The following GABRB1 variants were observed in gnomAD, a reference collection of about 807,000 sequenced individuals.
GABRB1 encodes gamma-aminobutyric acid receptor subunit beta-1.
A neutral mutation model predicts 51.6 loss-of-function variants in GABRB1; 17 were observed. The ratio of observed to expected loss-of-function variants is 0.33; its 90% confidence interval spans 0.23 to 0.49. The LOEUF (loss-of-function observed/expected upper bound fraction) is 0.49, where lower values mean the gene tolerates loss of function less well. Ranked by LOEUF, GABRB1 falls within the 20% of genes least tolerant of loss-of-function variation. GABRB1 has a pLI of 0.99. For synonymous variants in GABRB1, 247 were observed against 218.9 expected (o/e 1.13, Z -1.14); for missense variants, 410 against 600.6 (o/e 0.68, Z 3.32).
intron 5 of GABRB1, among the ~76,000 whole-genome samples, chr4:47,338,444 A>G (rs776784009): frequency 6.6e-6 from 1 of 152,220 alleles, no homozygotes; most frequent in Non-Finnish European, 1.5e-5. Context: ...TAGAAATTAG[A>G]TCATTGACCA....
At chr4:47,120,317 C>T (rs141009413) in intron 3 of GABRB1, among the ~76,000 whole-genome samples, 5 of 152,222 alleles carry the variant, frequency 3.3e-5, no homozygotes, top group African/African-American at 9.6e-5. Flanking sequence ...CCACTTTCAG[C>T]GTTTGATAGA....
intron 5 of GABRB1, among the ~76,000 whole-genome samples, chr4:47,380,571 A>G (rs191862811): frequency 1.3e-5 from 2 of 152,352 alleles, no homozygotes; most frequent in Admixed American, 1.3e-4. Flanking sequence ...TGTTTTACTA[A>G]CATGAACTTC....
At chr4:47,108,477 T>C (rs372680496) in intron 3 of GABRB1, among the ~76,000 whole-genome samples, 3 of 152,180 alleles carry the variant, frequency 2.0e-5, no homozygotes, top group East Asian at 3.9e-4. Flanking sequence ...ACTTTTTATT[T>C]CTTCTTTAAT....
intron 4 of GABRB1, among the ~76,000 whole-genome samples, chr4:47,268,317 T>C (rs1722721493): frequency 6.6e-6 from 1 of 152,190 alleles, no homozygotes; most frequent in Non-Finnish European, 1.5e-5. Flanking sequence ...GTCAGAAAAT[T>C]GGCTGTTAGG....
At chr4:47,384,344 A>G (rs1727703958) in intron 5 of GABRB1, among the ~76,000 whole-genome samples, 1 of 151,966 alleles carries the variant, frequency 6.6e-6, no homozygotes, top group Admixed American at 6.6e-5. Flanking sequence ...GGATTTTCCA[A>G]AAATGTGCTT....
Position 47,243,168 on chromosome 4 carries a change from C to T in GABRB1, c.462-76959C>T, listed in dbSNP as rs1190028249. On this transcript the variant is annotated intron_variant, in intron 4 of 8. Transcript: ENST00000295454. ...ATCCTTTCCCCATTGCTTGTTTTTG[C>T]CAGGTTTGTCAAAGATCAGATGGTT... Among the ~76,000 whole-genome samples, 8 of 152,084 alleles carry T rather than the reference C, an allele frequency of 5.3e-5. No homozygotes were observed. In the South Asian group the frequency reaches 6.2e-4, roughly 12 times the overall value.
At chr4:47,145,224 T>A (rs908359042) in intron 3 of GABRB1, among the ~76,000 whole-genome samples, 1 of 152,008 alleles carries the variant, frequency 6.6e-6, no homozygotes, top group African/African-American at 2.4e-5. Flanking sequence ...TGAAAACCTT[T>A]CTTGTCAAAG....
intron 4 of GABRB1, among the ~76,000 whole-genome samples, chr4:47,177,355 G>C (rs920161384): frequency 1.3e-5 from 2 of 152,040 alleles, no homozygotes; most frequent in African/African-American, 4.8e-5. Flanking sequence ...CTAGAGAAGA[G>C]GGGCCTGAAA....
chr4:47,290,636 G>A (rs991531093), intron 4 of GABRB1, among the ~76,000 whole-genome samples: 3 of 152,186 alleles, frequency 2.0e-5, no homozygotes, highest in African/African-American at 7.2e-5. Context: ...TAGCGATATG[G>A]ACAATAAGGT....
At chr4:47,054,050 T>A (rs1726474231) in intron 3 of GABRB1, among the ~76,000 whole-genome samples, 1 of 150,062 alleles carries the variant, frequency 6.7e-6, no homozygotes. Flanking sequence ...TAAAATTGAC[T>A]TTTTTAAAAA....
At chr4:47,185,309 T>C (rs1719128828) in intron 4 of GABRB1, among the ~76,000 whole-genome samples, 1 of 151,860 alleles carries the variant, frequency 6.6e-6, no homozygotes, top group South Asian at 2.1e-4. Flanking sequence ...CTTCTGGCTC[T>C]CCCAGAAAAA....
At chr4:47,035,887 T>A (rs920446689) in intron 3 of GABRB1, among the ~76,000 whole-genome samples, 3 of 152,342 alleles carry the variant, frequency 2.0e-5, no homozygotes, top group African/African-American at 4.8e-5. Flanking sequence ...CAAATTCCAG[T>A]GACTAGCTGT....
At chr4:47,066,290 T>C (rs1007743074) in intron 3 of GABRB1, among the ~76,000 whole-genome samples, 3 of 152,248 alleles carry the variant, frequency 2.0e-5, no homozygotes, top group Non-Finnish European at 4.4e-5. Context: ...TGCCTTGATG[T>C]TGATGTCTGC....
At chr4:47,105,716 G>A (rs1478361863) in intron 3 of GABRB1, among the ~76,000 whole-genome samples, 2 of 152,056 alleles carry the variant, frequency 1.3e-5, no homozygotes, top group Non-Finnish European at 2.9e-5. Context: ...GAGCCTTCTT[G>A]TCCTTCGTGC....
At chr4:47,338,218 T>G (rs1189580662) in intron 5 of GABRB1, among the ~76,000 whole-genome samples, 1 of 152,176 alleles carries the variant, frequency 6.6e-6, no homozygotes, top group Non-Finnish European at 1.5e-5. Context: ...GATGACAAAG[T>G]GCTATTTGTC....
intron 3 of GABRB1, among the ~76,000 whole-genome samples, chr4:47,136,013 C>T (rs1386080923): frequency 1.3e-5 from 2 of 152,042 alleles, no homozygotes; most frequent in Non-Finnish European, 2.9e-5. Flanking sequence ...GTTTTTGAGG[C>T]AGGGTCTCAC....
chr4:47,309,215 A>G (rs1037271129), intron 4 of GABRB1, among the ~76,000 whole-genome samples: 1 of 152,088 alleles, frequency 6.6e-6, no homozygotes, highest in Non-Finnish European at 1.5e-5. Context: ...GAACTTTGAC[A>G]TGAGCCTGTT....
chr4:47,296,172 C>T (rs1723985730), intron 4 of GABRB1, among the ~76,000 whole-genome samples: 1 of 152,112 alleles, frequency 6.6e-6, no homozygotes, highest in Admixed American at 6.5e-5. Context: ...TTGTAAAGAC[C>T]ATCGAGGCTA....
chr4:47,355,853 G>A (rs1726547667), intron 5 of GABRB1, among the ~76,000 whole-genome samples: 1 of 152,144 alleles, frequency 6.6e-6, no homozygotes, highest in Non-Finnish European at 1.5e-5. Context: ...TAGAACAGGG[G>A]TGAGTTTGGG....
Sources: gnomAD v4.1 joint callset for allele counts (sites outside exome capture counted in the v4.1 genomes callset) on GRCh38, gnomAD v4.1.1 for gene constraint, MANE v1.5 for transcripts, NCBI Gene and HGNC (gene_info 2026-07-23, HGNC 2026-07-21) for gene names.